THADA: variants seen among roughly 807,000 people sequenced by gnomAD.
THADA encodes THADA armadillo repeat containing.
Under a neutral mutation model 219.8 loss-of-function variants are expected in THADA, and 213 were observed. That is an observed-to-expected ratio of 0.97 (90% CI 0.87 to 1.09). The LOEUF (loss-of-function observed/expected upper bound fraction) is 1.09, where lower values mean the gene tolerates loss of function less well. Ranked by LOEUF, THADA falls within the 50% of genes least tolerant of loss-of-function variation. The pLI, the probability that THADA is intolerant of heterozygous loss-of-function variation, is 0.00. For synonymous variants in THADA, 1,018 were observed against 828.9 expected, an observed-to-expected ratio of 1.23 and a Z score of -3.92; for missense variants, 2,956 against 2,311.3, an observed-to-expected ratio of 1.28 and a Z score of -5.72.
chr2:43,253,698 C>T (rs1315896757), intron 36 of THADA, among the ~76,000 whole-genome samples: 1 of 152,124 alleles, frequency 6.6e-6, no homozygotes, highest in Non-Finnish European at 1.5e-5. Flanking sequence ...TCCTGAGCTA[C>T]TCATCTCTCT....
chr2:43,561,016 C>CAA (rs3042329), intron 15 of THADA, among the ~76,000 whole-genome samples: 210 of 91,230 alleles, frequency 2.3e-3, no homozygotes, highest in Middle Eastern at 5.6e-3. Flanking sequence ...GACTTGGTCT[C>CAA]AAAAAAAAAA....
chr2:43,560,684 C>T (rs1012951554), intron 15 of THADA, among the ~76,000 whole-genome samples: 2 of 152,014 alleles, frequency 1.3e-5, no homozygotes, highest in African/African-American at 4.8e-5. Context: ...TTTAGAAACA[C>T]ATCTTTTTAA....
chr2:43,317,385 GGCCTACT>G (rs1678205642), intron 31 of THADA, among the ~76,000 whole-genome samples: 2 of 152,206 alleles, frequency 1.3e-5, no homozygotes, highest in Admixed American at 1.3e-4. Context: ...ATTTAATGAG[GGCCTACT>G]ATGTGCTTAG....
chr2:43,532,194 C>T (rs901849314), intron 21 of THADA, among the ~76,000 whole-genome samples: 1 of 151,732 alleles, frequency 6.6e-6, no homozygotes, highest in African/African-American at 2.4e-5. Flanking sequence ...GGTGGATTGC[C>T]TGAGCTCAGG....
intron 36 of THADA, among the ~76,000 whole-genome samples, chr2:43,258,905 A>T (rs1670637256): frequency 6.6e-6 from 1 of 152,208 alleles, no homozygotes; most frequent in Non-Finnish European, 1.5e-5. Context: ...GACTAAAAAC[A>T]GTAACTCTAC....
chr2:43,432,030 G>C (rs1452380819), intron 26 of THADA, among the ~76,000 whole-genome samples: 1 of 129,726 alleles, frequency 7.7e-6, no homozygotes, highest in Non-Finnish European at 1.6e-5. Flanking sequence ...CTAATTTTTT[G>C]TATTTTTAGT....
At chr2:43,518,229 A>G (rs1262470274) in intron 22 of THADA, among the ~76,000 whole-genome samples, 1 of 152,190 alleles carries the variant, frequency 6.6e-6, no homozygotes, top group Non-Finnish European at 1.5e-5. Flanking sequence ...ATAATTTACT[A>G]ACTTCATTGA....
At chr2:43,353,585 T>A (rs919135892) in intron 29 of THADA, among the ~76,000 whole-genome samples, 10 of 152,236 alleles carry the variant, frequency 6.6e-5, no homozygotes, top group African/African-American at 2.4e-4. Flanking sequence ...AAATCTTAGA[T>A]AATAACCCCT....
chr2:43,287,165 A>C, intron 34 of THADA, 104 bp from the exon 35 acceptor site: 1 of 1,014,006 alleles, frequency 9.9e-7, no homozygotes. Context: ...ATTAGCTCTT[A>C]GCTCAATGGG....
intron 31 of THADA, among the ~76,000 whole-genome samples, chr2:43,318,689 AG>A: frequency 6.6e-6 from 1 of 152,282 alleles, no homozygotes; most frequent in Admixed American, 6.5e-5. Flanking sequence ...AACATCTTTA[AG>A]AGTAATATAT....
At chr2:43,516,855 T>C (rs189828595) in intron 22 of THADA, among the ~76,000 whole-genome samples, 3 of 152,284 alleles carry the variant, frequency 2.0e-5, no homozygotes, top group Admixed American at 6.5e-5. Context: ...AGTGGTTGCT[T>C]TGCACTATGC....
At chr2:43,484,435 C>T (rs1000248848) in intron 26 of THADA, 3 of 169,172 alleles carry the variant, frequency 1.8e-5, no homozygotes, top group Non-Finnish European at 4.4e-5. Context: ...AGAGAAAGAC[C>T]ACTGGGCCAA....
At position 43,543,337 on chromosome 2, in the gene THADA, A is replaced by G. The variant is rs561382524; in HGVS notation, c.3107-2021T>C. Among the ~76,000 whole-genome samples, 612 of 147,922 alleles carry G rather than the reference A, an allele frequency of 4.1e-3. 1 individual carries two copies. Among genetic ancestry groups the G allele is most frequent in the Non-Finnish European group, 6.6e-3 (444 of 66,974 alleles). The stretch of plus-strand genomic sequence containing the variant: ...GTGAATAGTGCCGCAATAAACATAC[A>G]TGTGCATGTGTCTTTATAGCAGCAT... On this transcript the variant is annotated intron_variant, in intron 20 of 37. Transcript: ENST00000405975.
chr2:43,415,679 C>A (rs192191956), intron 28 of THADA, among the ~76,000 whole-genome samples: 147 of 152,092 alleles, frequency 9.7e-4, no homozygotes, highest in South Asian at 1.9e-3. Flanking sequence ...GATTGCCCAG[C>A]GACACTAGTT....
chr2:43,320,891 A>G (rs1678629670), intron 30 of THADA, among the ~76,000 whole-genome samples: 1 of 152,204 alleles, frequency 6.6e-6, no homozygotes, highest in South Asian at 2.1e-4. Context: ...CTATTATTCT[A>G]CATTTTTAAG....
At chr2:43,484,867 G>C (rs908087148) in intron 26 of THADA, among the ~76,000 whole-genome samples, 2 of 148,386 alleles carry the variant, frequency 1.3e-5, no homozygotes, top group African/African-American at 5.1e-5. Context: ...TAAAATTAAA[G>C]ATATTATACA....
At chr2:43,329,137 G>C (rs1462732580) in intron 30 of THADA, among the ~76,000 whole-genome samples, 1 of 152,144 alleles carries the variant, frequency 6.6e-6, no homozygotes, top group African/African-American at 2.4e-5. Context: ...TTGTTTAAAA[G>C]TAAAGTTTAA....
At chr2:43,322,207 A>C (rs1305100198) in intron 30 of THADA, among the ~76,000 whole-genome samples, 1 of 151,914 alleles carries the variant, frequency 6.6e-6, no homozygotes, top group Non-Finnish European at 1.5e-5. Context: ...GAGGCTGGTT[A>C]AGAGTGTGCT....
intron 21 of THADA, among the ~76,000 whole-genome samples, chr2:43,540,748 T>C (rs1215310242): frequency 6.6e-6 from 1 of 152,218 alleles, no homozygotes; most frequent in South Asian, 2.1e-4. Context: ...TACAACTTTA[T>C]TATCAATGCA....
Sources: allele counts gnomAD v4.1 joint callset (sites outside exome capture counted in the v4.1 genomes callset), GRCh38; gene constraint gnomAD v4.1.1; transcripts MANE v1.5; gene names NCBI Gene and HGNC (gene_info 2026-07-23, HGNC 2026-07-21).